The following GABBR2 variants were observed in gnomAD, a reference collection of about 807,000 sequenced individuals.
GABBR2 encodes G-protein coupled receptor 51.
GABBR2 carries 23 observed loss-of-function variants against 105.6 expected under a neutral mutation model. That is an observed-to-expected ratio of 0.22 (90% CI 0.16 to 0.31). The LOEUF is 0.31. Ranked by LOEUF, GABBR2 falls within the 10% of genes least tolerant of loss-of-function variation. GABBR2 has a pLI of 1.00. For synonymous variants in GABBR2, 478 were observed against 499.7 expected (o/e 0.96, Z 0.58); for missense variants, 734 against 1,245.5 (o/e 0.59, Z 6.18).
Position 98,400,015 on chromosome 9 carries a change from G to GAA in GABBR2, c.1298-5762_1298-5761dup, listed in dbSNP as rs57472915. ...AACATAGCGAGACTCCCACCTCCAT[G>GAA]AAAAAAAAAAAAAAAAAAACCTAGC... On this transcript the variant is annotated intron_variant, in intron 8 of 18. Coordinates refer to ENST00000259455, the MANE Select transcript of GABBR2 (RefSeq NM_005458.8). Among the ~76,000 whole-genome samples, 236 of 102,966 alleles carry GAA rather than the reference G, an allele frequency of 2.3e-3. 1 individual carries two copies. Among genetic ancestry groups the GAA allele is most frequent in the African/African-American group, 8.0e-3 (212 of 26,366 alleles). The allele number at this position is 102,966 out of a possible 152,430, so 67.5% of individuals were successfully genotyped here.
At chr9:98,593,842 C>A (rs553324949) in intron 1 of GABBR2, among the ~76,000 whole-genome samples, 1 of 152,180 alleles carries the variant, frequency 6.6e-6, no homozygotes, top group Non-Finnish European at 1.5e-5. Flanking sequence ...CCCTCTGCAG[C>A]GACTCAGCTG....
At chr9:98,423,820 A>G (rs528769778) in intron 7 of GABBR2, among the ~76,000 whole-genome samples, 116 of 152,192 alleles carry the variant, frequency 7.6e-4, no homozygotes, top group African/African-American at 2.7e-3. Context: ...AGCTTTCTAC[A>G]TATGGCTAGC....
At chr9:98,386,645 C>T (rs116331423) in intron 10 of GABBR2, among the ~76,000 whole-genome samples, 2,196 of 152,294 alleles carry the variant, frequency 0.014, 55 homozygotes, top group African/African-American at 0.05. Flanking sequence ...GTGCCTGGCC[C>T]CCCCAGCACA....
At chr9:98,684,130 T>C (rs938742426) in intron 1 of GABBR2, among the ~76,000 whole-genome samples, 1 of 70,448 alleles carries the variant, frequency 1.4e-5, no homozygotes, top group Non-Finnish European at 2.7e-5. Flanking sequence ...CTTCAAGATA[T>C]ACAGTAAAAG....
chr9:98,320,934 T>C (rs779411907), intron 13 of GABBR2, among the ~76,000 whole-genome samples: 161 of 151,858 alleles, frequency 1.1e-3, no homozygotes, highest in Non-Finnish European at 9.6e-4. Flanking sequence ...CGCATGTAAC[T>C]AACCTGCACA....
chr9:98,579,434 T>C (rs1289800292), intron 1 of GABBR2, among the ~76,000 whole-genome samples: 1 of 152,116 alleles, frequency 6.6e-6, no homozygotes, highest in African/African-American at 2.4e-5. Flanking sequence ...CCTGTGGTCA[T>C]CTCTCCCCTG....
At chr9:98,433,736 G>A (rs889367040) in intron 7 of GABBR2, among the ~76,000 whole-genome samples, 1 of 151,990 alleles carries the variant, frequency 6.6e-6, no homozygotes, top group African/African-American at 2.4e-5. Context: ...ATGATTCCTG[G>A]GGCCACAGCC....
chr9:98,351,640 C>T (rs530974855), intron 13 of GABBR2, among the ~76,000 whole-genome samples: 5 of 152,276 alleles, frequency 3.3e-5, no homozygotes. Context: ...TCATTGAATT[C>T]TTCAGTTCTA....
intron 17 of GABBR2, among the ~76,000 whole-genome samples, chr9:98,294,243 A>G (rs1249295661): frequency 6.6e-6 from 1 of 152,230 alleles, no homozygotes; most frequent in Non-Finnish European, 1.5e-5. Flanking sequence ...ACAGGCACAT[A>G]GGGATGTAAG....
intron 7 of GABBR2, among the ~76,000 whole-genome samples, chr9:98,436,348 C>CAT (rs1158239322): frequency 6.1e-3 from 46 of 7,570 alleles, no homozygotes; most frequent in Non-Finnish European, 8.7e-3. Flanking sequence ...ACACACACAC[C>CAT]ATATATATAT....
chr9:98,417,569 G>C (rs925224148), intron 7 of GABBR2, among the ~76,000 whole-genome samples: 1 of 152,086 alleles, frequency 6.6e-6, no homozygotes, highest in Non-Finnish European at 1.5e-5. Context: ...TCCCTTCTCT[G>C]GGCCCCAGTT....
intron 1 of GABBR2, among the ~76,000 whole-genome samples, chr9:98,699,344 C>A (rs1310383475): frequency 6.6e-6 from 1 of 151,968 alleles, no homozygotes; most frequent in African/African-American, 2.4e-5. Context: ...ACCCAAGCAC[C>A]CTTTCCCCTT....
intron 11 of GABBR2, among the ~76,000 whole-genome samples, chr9:98,376,020 C>G (rs1831866729): frequency 6.6e-6 from 1 of 152,174 alleles, no homozygotes; most frequent in South Asian, 2.1e-4. Context: ...TTCTTTTTCT[C>G]CCCTTAGCCA....
At chr9:98,504,409 CCAGA>C (rs1174991452) in intron 3 of GABBR2, among the ~76,000 whole-genome samples, 1 of 152,182 alleles carries the variant, frequency 6.6e-6, no homozygotes, top group African/African-American at 2.4e-5. Flanking sequence ...CAGTAGTTCC[CCAGA>C]CAACTTCCCT....
At chr9:98,586,564 T>G (rs1829080529) in intron 1 of GABBR2, among the ~76,000 whole-genome samples, 1 of 152,224 alleles carries the variant, frequency 6.6e-6, no homozygotes, top group Non-Finnish European at 1.5e-5. Flanking sequence ...CCTCCCAAAG[T>G]GCTGGGATTA....
chr9:98,542,851 A>G (rs1264400755), intron 2 of GABBR2, among the ~76,000 whole-genome samples: 4 of 152,164 alleles, frequency 2.6e-5, no homozygotes, highest in African/African-American at 4.8e-5. Flanking sequence ...ACTTTTCCCT[A>G]TGGTTATTAA....
At chr9:98,590,473 G>A (rs1829131362) in intron 1 of GABBR2, among the ~76,000 whole-genome samples, 1 of 152,218 alleles carries the variant, frequency 6.6e-6, no homozygotes, top group Non-Finnish European at 1.5e-5. Flanking sequence ...CTCAAAGACT[G>A]GGAGATACAA....
chr9:98,559,635 T>A (rs1200590508), intron 2 of GABBR2, among the ~76,000 whole-genome samples: 1 of 152,228 alleles, frequency 6.6e-6, no homozygotes, highest in East Asian at 1.9e-4. Flanking sequence ...TAACAAAGAT[T>A]TATTTTCTAG....
At chr9:98,501,175 T>C (rs1471346893) in intron 3 of GABBR2, among the ~76,000 whole-genome samples, 2 of 147,234 alleles carry the variant, frequency 1.4e-5, no homozygotes, top group African/African-American at 5.0e-5. Flanking sequence ...ATTAATTAAT[T>C]TTTTTTTGAG....
Sources: allele counts gnomAD v4.1 joint callset (sites outside exome capture counted in the v4.1 genomes callset), GRCh38; gene constraint gnomAD v4.1.1; transcripts MANE v1.5; gene names NCBI Gene and HGNC (gene_info 2026-07-23, HGNC 2026-07-21).